SEMA6D: variants seen among roughly 807,000 people sequenced by gnomAD.
The protein encoded by SEMA6D is semaphorin-6D.
A neutral mutation model predicts 106.6 loss-of-function variants in SEMA6D; 35 were observed. The ratio of observed to expected loss-of-function variants is 0.33; its 90% CI spans 0.25 to 0.44. The LOEUF (loss-of-function observed/expected upper bound fraction) is 0.44. Ranked by LOEUF, SEMA6D falls within the 20% of genes least tolerant of loss-of-function variation. SEMA6D has a pLI of 1.00. For synonymous variants in SEMA6D, 499 were observed against 487.7 expected, an observed-to-expected ratio of 1.02 and a Z score of -0.31; for missense variants, 1,185 against 1,345.9, an observed-to-expected ratio of 0.88 and a Z score of 1.87.
chr15:47,234,244 T>C (rs1245058086), intron 1 of SEMA6D, among the ~76,000 whole-genome samples: 1 of 151,972 alleles, frequency 6.6e-6, no homozygotes, highest in African/African-American at 2.4e-5. Flanking sequence ...CTGGCAGACC[T>C]CTAGGCTCTG....
At chr15:47,695,601 A>G (rs1240403991) in intron 4 of SEMA6D, among the ~76,000 whole-genome samples, 6 of 152,164 alleles carry the variant, frequency 3.9e-5, no homozygotes, top group Admixed American at 2.6e-4. Context: ...AATTCATATT[A>G]TCATCTGATG....
intron 1 of SEMA6D, among the ~76,000 whole-genome samples, chr15:47,277,067 T>C (rs533621092): frequency 8.9e-4 from 136 of 152,256 alleles, no homozygotes; most frequent in African/African-American, 3.0e-3. Context: ...TTAATAGACA[T>C]GAAGCCTGAA....
chr15:47,295,343 G>A (rs2035763732), intron 1 of SEMA6D, among the ~76,000 whole-genome samples: 1 of 152,180 alleles, frequency 6.6e-6, no homozygotes, highest in African/African-American at 2.4e-5. Flanking sequence ...TCCAACTTCA[G>A]CGGGAGCCAG....
intron 1 of SEMA6D, among the ~76,000 whole-genome samples, chr15:47,368,619 C>T (rs937858193): frequency 8.5e-5 from 13 of 152,232 alleles, no homozygotes; most frequent in East Asian, 5.8e-4. Context: ...TACAGGCGCC[C>T]GCCACTACGC....
At chr15:47,734,129 G>A (rs1160908939) in intron 1 of SEMA6D, among the ~76,000 whole-genome samples, 2 of 152,184 alleles carry the variant, frequency 1.3e-5, no homozygotes, top group East Asian at 1.9e-4. Flanking sequence ...GATGGACAAA[G>A]TACTCATAGT....
At chr15:47,632,062 T>G (rs991147770) in intron 4 of SEMA6D, among the ~76,000 whole-genome samples, 1 of 151,998 alleles carries the variant, frequency 6.6e-6, no homozygotes, top group Non-Finnish European at 1.5e-5. Context: ...TAGAAGTGTG[T>G]TGTTTAATTT....
chr15:47,332,586 A>C (rs1448823914), intron 1 of SEMA6D, among the ~76,000 whole-genome samples: 1 of 152,196 alleles, frequency 6.6e-6, no homozygotes, highest in Non-Finnish European at 1.5e-5. Context: ...GATGTAACTC[A>C]AGATGATTTT....
chr15:47,633,757 A>G (rs572292586), intron 4 of SEMA6D, among the ~76,000 whole-genome samples: 17 of 152,290 alleles, frequency 1.1e-4, no homozygotes, highest in African/African-American at 3.4e-4. Context: ...ATCTGAAGAT[A>G]CAAACGATAA....
chr15:47,666,279 G>C (rs187420432), intron 4 of SEMA6D, among the ~76,000 whole-genome samples: 23 of 152,334 alleles, frequency 1.5e-4, no homozygotes, highest in Admixed American at 7.8e-4. Context: ...TCCTGTTTCA[G>C]GAAGCTGGGC....
At chr15:47,225,822 G>A (rs148714688) in intron 1 of SEMA6D, among the ~76,000 whole-genome samples, 36 of 152,108 alleles carry the variant, frequency 2.4e-4, no homozygotes, top group Middle Eastern at 3.4e-3. Flanking sequence ...GAGCCACCGC[G>A]CCCAGTCTTC....
chr15:47,522,632 C>A (rs2044624407), intron 3 of SEMA6D, among the ~76,000 whole-genome samples: 2 of 152,132 alleles, frequency 1.3e-5, no homozygotes, highest in South Asian at 4.1e-4. Flanking sequence ...GTGGTGCCAA[C>A]AAGTGTTGAT....
chr15:47,220,096 T>G (rs891383637), intron 1 of SEMA6D, among the ~76,000 whole-genome samples: 1 of 152,196 alleles, frequency 6.6e-6, no homozygotes, highest in African/African-American at 2.4e-5. Context: ...TCACCTCCAC[T>G]ATATTCTGTT....
At chr15:47,770,074 A>T (rs2082548130) in intron 18 of SEMA6D, among the ~76,000 whole-genome samples, 1 of 152,228 alleles carries the variant, frequency 6.6e-6, no homozygotes, top group African/African-American at 2.4e-5. Flanking sequence ...TATGCTAATT[A>T]TTACATTTTC....
chr15:47,677,193 G>C (rs888412847), intron 4 of SEMA6D, among the ~76,000 whole-genome samples: 1 of 152,092 alleles, frequency 6.6e-6, no homozygotes, highest in Non-Finnish European at 1.5e-5. Flanking sequence ...GGAGGTTGGG[G>C]ACCCCTGTTG....
At chr15:47,542,100 C>T (rs1310583695) in intron 3 of SEMA6D, among the ~76,000 whole-genome samples, 1 of 152,176 alleles carries the variant, frequency 6.6e-6, no homozygotes, top group Non-Finnish European at 1.5e-5. Flanking sequence ...CAGAACTGAA[C>T]TGCAGGTGCA....
chr15:47,388,699 G>A (rs2039927973), intron 1 of SEMA6D, among the ~76,000 whole-genome samples: 1 of 152,122 alleles, frequency 6.6e-6, no homozygotes, highest in African/African-American at 2.4e-5. Context: ...CGGTCAGGAA[G>A]CTTTCAAGGA....
chr15:47,751,852 A>G (rs2081455328), intron 1 of SEMA6D, among the ~76,000 whole-genome samples: 1 of 150,690 alleles, frequency 6.6e-6, no homozygotes, highest in Admixed American at 6.6e-5. Flanking sequence ...TAAGGGACTG[A>G]AAAAAAAAAT....
intron 1 of SEMA6D, among the ~76,000 whole-genome samples, chr15:47,404,550 C>T (rs1334761544): frequency 1.3e-5 from 2 of 152,142 alleles, no homozygotes; most frequent in Non-Finnish European, 2.9e-5. Flanking sequence ...ATGCTGTGAC[C>T]TGATTGGACC....
intron 4 of SEMA6D, among the ~76,000 whole-genome samples, chr15:47,693,170 A>G (rs546157981): frequency 6.6e-5 from 10 of 152,262 alleles, no homozygotes; most frequent in African/African-American, 2.2e-4. Flanking sequence ...TTGTCCATAT[A>G]AAAGAAGGAA....
Sources: allele counts gnomAD v4.1 joint callset (sites outside exome capture counted in the v4.1 genomes callset), GRCh38; gene constraint gnomAD v4.1.1; transcripts MANE v1.5; gene names NCBI Gene and HGNC (gene_info 2026-07-23, HGNC 2026-07-21).